Variants in PI4KA observed in about 807,000 individuals in gnomAD.
The protein encoded by PI4KA is PI4-kinase alpha.
A neutral mutation model predicts 271.4 loss-of-function variants in PI4KA; 122 were observed. That is an observed-to-expected ratio of 0.45 (90% CI 0.39 to 0.52). The LOEUF (loss-of-function observed/expected upper bound fraction) is 0.52, where lower values mean the gene tolerates loss of function less well. Ranked by LOEUF, PI4KA falls within the 20% of genes least tolerant of loss-of-function variation. The probability of loss-of-function intolerance (pLI) is 0.00; values close to 1 mark genes in which losing one functional copy is unlikely to be tolerated. For missense variants in PI4KA, 1,969 were observed against 2,769.1 expected (o/e 0.71, Z 6.48); for synonymous variants, 1,041 against 1,078.8 (o/e 0.96, Z 0.69).
At position 20,769,965 on chromosome 22, in the gene PI4KA, G is replaced by C. The variant is rs374145281; in HGVS notation, c.2329-4272C>G. Among the ~76,000 whole-genome samples the C allele has an allele frequency of 5.0e-4, 76 of 152,278 alleles. 2 individuals are homozygous for C. In the South Asian group the frequency reaches 0.015, roughly 31 times the overall value. On this transcript the variant is annotated intron_variant, in intron 19 of 54. Coordinates refer to ENST00000255882, the MANE Select transcript of PI4KA (RefSeq NM_058004.4). ...CAGAAGTGAGTGATGTCTTTAAGTG[G>C]ATATGGAAAAATATTAACTATTCTA...
chr22:20,713,037 A>G, intron 48 of PI4KA: 2 of 626,900 alleles, frequency 3.2e-6, no homozygotes, highest in Non-Finnish European at 5.6e-6. Context: ...GTGTGAGATA[A>G]GGCACCCAAC....
intron 1 of PI4KA, among the ~76,000 whole-genome samples, chr22:20,842,141 T>C (rs1017884431): frequency 3.3e-5 from 5 of 152,036 alleles, no homozygotes; most frequent in African/African-American, 7.2e-5. Flanking sequence ...GGCAGGAGAA[T>C]TGCTTGAACC....
chr22:20,740,457 TAA>T (rs5844436), intron 32 of PI4KA, among the ~76,000 whole-genome samples: 23 of 144,162 alleles, frequency 1.6e-4, no homozygotes, highest in Admixed American at 3.4e-4. Flanking sequence ...GCCTAGGAAG[TAA>T]AAAAAAAAAA....
At chr22:20,850,424 G>A (rs1368152745) in intron 1 of PI4KA, among the ~76,000 whole-genome samples, 1 of 150,664 alleles carries the variant, frequency 6.6e-6, no homozygotes, top group East Asian at 2.0e-4. Context: ...AGGTCTCTGG[G>A]ACTATAAATA....
At chr22:20,753,933 G>A (rs545119031) in intron 23 of PI4KA, among the ~76,000 whole-genome samples, 2 of 152,226 alleles carry the variant, frequency 1.3e-5, no homozygotes, top group East Asian at 1.9e-4. Context: ...TGATCCGCCC[G>A]CCTCGGCCTC....
At chr22:20,785,282 C>T (rs1381507632) in intron 19 of PI4KA, among the ~76,000 whole-genome samples, 1 of 152,174 alleles carries the variant, frequency 6.6e-6, no homozygotes, top group Non-Finnish European at 1.5e-5. Flanking sequence ...GTTGCCCAGG[C>T]TGGTCTTGAA....
chr22:20,809,105 T>C (rs1366951011), intron 9 of PI4KA, among the ~76,000 whole-genome samples: 2 of 151,992 alleles, frequency 1.3e-5, no homozygotes, highest in Non-Finnish European at 2.9e-5. Flanking sequence ...AGGGCAGAAA[T>C]GGAGAAATGA....
intron 23 of PI4KA, among the ~76,000 whole-genome samples, chr22:20,754,170 C>G (rs1250027103): frequency 1.3e-5 from 2 of 152,144 alleles, no homozygotes; most frequent in Non-Finnish European, 2.9e-5. Context: ...CAGCTGCAAC[C>G]TTGATCTCCC....
chr22:20,726,861 G>A (rs1927410893), intron 41 of PI4KA, among the ~76,000 whole-genome samples: 1 of 152,074 alleles, frequency 6.6e-6, no homozygotes, highest in Non-Finnish European at 1.5e-5. Flanking sequence ...GCTATCTCGT[G>A]GGCTCCCTGG....
chr22:20,836,762 G>T (rs1350615532), intron 2 of PI4KA, among the ~76,000 whole-genome samples: 1 of 152,098 alleles, frequency 6.6e-6, no homozygotes, highest in East Asian at 1.9e-4. Flanking sequence ...GGGCTGCCCT[G>T]GACATACAGG....
At chr22:20,843,431 GT>G (rs1925846194) in intron 1 of PI4KA, among the ~76,000 whole-genome samples, 1 of 113,826 alleles carries the variant, frequency 8.8e-6, no homozygotes, top group Non-Finnish European at 1.8e-5. Flanking sequence ...AGCCTAGCAG[GT>G]TAAGGCTGCA....
At chr22:20,846,989 T>C (rs967484979) in intron 1 of PI4KA, among the ~76,000 whole-genome samples, 11 of 149,960 alleles carry the variant, frequency 7.3e-5, no homozygotes, top group African/African-American at 2.2e-4. Context: ...CTACTAAAAA[T>C]ACAAAAAAAT....
At position 20,799,133 on chromosome 22, in the gene PI4KA, A is replaced by G; in HGVS notation, c.1964T>C (p.Leu655Pro). The change falls in exon 16 of 55, where the codon CTG becomes CCG. Residue 655 changes from leucine (L) to proline (P), a missense_variant. Leu to Pro is a moderately conservative substitution (Grantham distance 98, BLOSUM62 -3). Coordinates refer to ENST00000255882, the MANE Select transcript of PI4KA (RefSeq NM_058004.4). The part of the protein sequence containing the change: ...FCQPPSPLDV[L>P]IIDQLGCLVI... ...CAGGCAGCCCAGCTGGTCAATAATC[A>G]GCACATCGAGGGGGGAGGGTGGCTG... 3.7e-6 allele frequency: 6 copies of G among 1,613,546 alleles called. No individual in the cohort carries two copies. The highest frequency in any genetic ancestry group is 1.7e-5 in the Admixed American group (1 of 59,910).
At chr22:20,806,888 G>A (rs914129136) in intron 10 of PI4KA, among the ~76,000 whole-genome samples, 9 of 151,730 alleles carry the variant, frequency 5.9e-5, no homozygotes, top group Middle Eastern at 3.4e-3. Context: ...ATGCCACTGC[G>A]CCTGGCTAAT....
rs757768785 is a variant in PI4KA at position 20,793,293 on chromosome 22, T to TA, written c.2278-51dup. On this transcript the variant is annotated intron_variant, in intron 18 of 54. Coordinates refer to ENST00000255882, the MANE Select transcript of PI4KA (RefSeq NM_058004.4). ...ATTAACGAGTATGTGTTTCTTTTAT[T>TA]AAAAAAAAAAAACACAAGATACAAC... is the stretch of plus-strand genomic sequence containing the variant. The TA allele has an allele frequency of 0.12, 88,345 of 719,736 alleles. No individual in the cohort carries two copies. The highest frequency in any genetic ancestry group is 0.17 in the South Asian group (8,348 of 49,638). 44.6% of individuals were successfully genotyped at this position (719,736 alleles called of 1,614,324 possible). A position where few individuals can be genotyped will look rare whatever the true frequency, so the allele number is the denominator to read the frequency against.
chr22:20,818,580 A>C (rs778961871), intron 6 of PI4KA, 31 bp from the exon 7 acceptor site: 5 of 1,496,270 alleles, frequency 3.3e-6, no homozygotes, highest in Non-Finnish European at 4.4e-6. Context: ...TACATATCAG[A>C]AAAGACCAGT....
intron 28 of PI4KA, among the ~76,000 whole-genome samples, chr22:20,747,928 T>C (rs929939796): frequency 4.6e-5 from 7 of 152,000 alleles, no homozygotes; most frequent in African/African-American, 9.7e-5. Context: ...GTAGAGATGG[T>C]GTCTCACTAT....
intron 8 of PI4KA, 81 bp from the exon 9 acceptor site, chr22:20,811,113 A>G: frequency 2.0e-6 from 2 of 1,000,246 alleles, no homozygotes; most frequent in Non-Finnish European, 3.2e-6. Context: ...AAAACCCATG[A>G]CAAACTCACA....
chr22:20,795,829 G>C (rs897415459), intron 18 of PI4KA, among the ~76,000 whole-genome samples: 1 of 152,062 alleles, frequency 6.6e-6, no homozygotes, highest in Non-Finnish European at 1.5e-5. Flanking sequence ...TACCACCCCT[G>C]GGCTTCATGA....
Sources: allele counts gnomAD v4.1 joint callset (sites outside exome capture counted in the v4.1 genomes callset), GRCh38; gene constraint gnomAD v4.1.1; transcripts MANE v1.5; gene names NCBI Gene and HGNC (gene_info 2026-07-23, HGNC 2026-07-21).